The following CLEC7A variants were observed in gnomAD, a reference collection of about 807,000 sequenced individuals.
CLEC7A encodes the protein C-type lectin domain containing 7A, also known as C-type lectin domain family 7 member A.
Under a neutral mutation model 26.9 loss-of-function variants are expected in CLEC7A, and 25 were observed. That is an observed-to-expected ratio of 0.93 (90% CI 0.68 to 1.30). CLEC7A has a LOEUF of 1.30. Ranked by LOEUF, CLEC7A falls within the 50% of genes most tolerant of loss-of-function variation. CLEC7A has a pLI of 0.00. For missense variants in CLEC7A, 275 were observed against 286.7 expected (o/e 0.96, Z 0.29); for synonymous variants, 100 against 99.5 (o/e 1.01, Z -0.03).
intron 4 of CLEC7A, among the ~76,000 whole-genome samples, chr12:10,124,493 C>T (rs1370036729): frequency 6.6e-6 from 1 of 152,114 alleles, no homozygotes; most frequent in Non-Finnish European, 1.5e-5. Flanking sequence ...GAATTTATTG[C>T]TAATGCCAGA....
chr12:10,125,365 C>T lies in CLEC7A; in HGVS notation c.424G>A (p.Asp142Asn), dbSNP rs1565406654. The change falls in exon 4 of 6, where the codon GAT (aspartate) becomes AAT (asparagine). Residue 142 changes from aspartate (D) to asparagine (N), a missense_variant. Asp to Asn is a conservative substitution (Grantham distance 23). Transcript: ENST00000304084. ...YLFSMSLNSW[D>N]GSKRQCWQLG... ...TGCCAGCATTGTCTTTTACTTCCAT[C>T]CCAGGAATTTAGTGACATGCTGAAT... The T allele has an allele frequency of 3.1e-6, 5 of 1,613,528 alleles. No individual in the cohort carries two copies. The Middle Eastern group carries it at 4.9e-4, about 160-fold the overall frequency.
In CLEC7A at chr12:10,130,178, C is replaced by T; in HGVS notation, c.-96G>A. On this transcript the variant is annotated 5_prime_UTR_variant, in exon 1 of 6. The change abolishes the stop of an existing upstream ORF in the 5' untranslated region. Transcript: ENST00000304084. The stretch of plus-strand genomic sequence containing the variant: ...TGTGGACAAAAGAGAATCTCTGAGT[C>T]AAATCATGTGGGCTAGGTACTTACC... 1 of 637,260 alleles carries T rather than the reference C, an allele frequency of 1.6e-6. No homozygotes were observed. Among genetic ancestry groups the T allele is most frequent in the South Asian group, 1.8e-5 (1 of 55,258 alleles). 39.5% of individuals were successfully genotyped at this position (637,260 alleles called of 1,614,324 possible). A position where few individuals can be genotyped will look rare whatever the true frequency, so the allele number is the denominator to read the frequency against.
Position 10,126,523 on chromosome 12 carries a change from G to C in CLEC7A, c.340+48C>G, listed in dbSNP as rs759459205. 1.9e-6 allele frequency: 3 copies of C among 1,557,276 alleles called. No homozygotes were observed. The Admixed American group carries it at 6.0e-5, about 31-fold the overall frequency. ...CCCCTGCCCCAGGCTTCAGCACCAA[G>C]AATTAACCCTCTTGAGTCAAGATTC... On this transcript the variant is annotated intron_variant, in intron 3 of 5. Coordinates refer to ENST00000304084, the MANE Select transcript of CLEC7A (RefSeq NM_197947.3).
intron 4 of CLEC7A, among the ~76,000 whole-genome samples, chr12:10,123,738 G>A (rs1485667256): frequency 5.5e-5 from 7 of 127,910 alleles, no homozygotes; most frequent in African/African-American, 1.9e-4. Context: ...TCCGCAGTCC[G>A]GCCTGGGCGA....
In CLEC7A at chr12:10,126,926, AAG is replaced by A. The variant is rs1555082527; in HGVS notation, c.203-220_203-219del. ...AAAGGAGGTATAGTAAAAAAAAAAA[AAG>A]AAAAGAAAAAAGAAGGTGGAGAAGA... is the stretch of plus-strand genomic sequence containing the variant. On this transcript the variant is annotated intron_variant, in intron 2 of 5. Coordinates refer to ENST00000304084, the MANE Select transcript of CLEC7A (RefSeq NM_197947.3). 7,997 of 811,654 alleles carry A rather than the reference AAG, an allele frequency of 9.9e-3. 30 individuals are homozygous for A. Among genetic ancestry groups the A allele is most frequent in the African/African-American group, 0.016 (749 of 47,140 alleles). 50.3% of individuals were successfully genotyped at this position (811,654 alleles called of 1,614,324 possible).
chr12:10,126,864 T>C (rs112963132), intron 2 of CLEC7A, 156 bp from the exon 3 acceptor site: 9 of 667,328 alleles, frequency 1.3e-5, no homozygotes, highest in African/African-American at 1.1e-4. Flanking sequence ...ATAAAGACGA[T>C]TGATAGAATA....
intron 2 of CLEC7A, chr12:10,127,341 A>G: frequency 3.9e-6 from 6 of 1,555,670 alleles, no homozygotes; most frequent in Admixed American, 1.9e-5. Flanking sequence ...CATTTAGTGA[A>G]TTTATTTCAT....
rs1411854687 is a variant in CLEC7A at position 10,129,968 on chromosome 12, A to AG, written c.103+11_103+12insC. The AG allele has an allele frequency of 6.7e-7, 1 of 1,499,464 alleles. No individual in the cohort carries two copies. Among genetic ancestry groups the AG allele is most frequent in the Non-Finnish European group, 9.3e-7 (1 of 1,076,798 alleles). The allele number at this position is 1,499,464 out of a possible 1,614,324, so 92.9% of individuals were successfully genotyped here. A position where few individuals can be genotyped will look rare whatever the true frequency, so the allele number is the denominator to read the frequency against. The stretch of plus-strand genomic sequence containing the variant: ...GAGCTAAAGGCACACATTAGAAAAA[A>AG]CATATATATACCTTTCTCTGAAACA... On this transcript the variant is annotated intron_variant, in intron 1 of 5. Transcript: ENST00000304084.
At chr12:10,129,128 G>A (rs1408647295) in intron 1 of CLEC7A, among the ~76,000 whole-genome samples, 1 of 152,074 alleles carries the variant, frequency 6.6e-6, no homozygotes, top group African/African-American at 2.4e-5. Flanking sequence ...CTTTGTTTAA[G>A]ACTCATGTCC....
At chr12:10,122,524 A>G (rs1232495221) in intron 5 of CLEC7A, among the ~76,000 whole-genome samples, 2 of 125,202 alleles carry the variant, frequency 1.6e-5, no homozygotes, top group African/African-American at 3.3e-5. Context: ...GTCTCACTGG[A>G]GTCTCACTCT....
rs115399026 is a variant in CLEC7A, at chr12:10,123,479, A to G, written c.493-116T>C. 2,080 of 740,356 alleles carry G rather than the reference A, an allele frequency of 2.8e-3. 40 individuals are homozygous for G. The African/African-American group carries it at 0.033, about 12-fold the overall frequency. 45.9% of individuals were successfully genotyped at this position (740,356 alleles called of 1,614,324 possible). ...TTGAATCACTTTGGTAAAGAATGCA[A>G]GGCCGGGCGCGGTGGCTCACGCCTG... On this transcript the variant is annotated intron_variant, in intron 4 of 5. Coordinates refer to ENST00000304084, the MANE Select transcript of CLEC7A (RefSeq NM_197947.3).
rs1194049932 is a variant in CLEC7A at position 10,117,635 on chromosome 12, A to C, written c.*823T>G. 1 of 152,048 alleles carries C rather than the reference A, an allele frequency of 6.6e-6. No individual in the cohort carries two copies. Among genetic ancestry groups the C allele is most frequent in the African/African-American group, 2.4e-5 (1 of 41,400 alleles). 9.4% of individuals were successfully genotyped at this position (152,048 alleles called of 1,614,324 possible). A position where few individuals can be genotyped will look rare whatever the true frequency, so the allele number is the denominator to read the frequency against. On this transcript the variant is annotated 3_prime_UTR_variant, in exon 6 of 6. Transcript: ENST00000304084. ...GTAGGAGTTCCTGCTTTTTACTAAG[A>C]TGATAATCATAATTATGATCATACT... is the stretch of plus-strand genomic sequence containing the variant.
Position 10,117,137 on chromosome 12 carries a change from T to C in CLEC7A, c.*1321A>G, listed in dbSNP as rs1947936310. The C allele has an allele frequency of 6.6e-6, 1 of 152,242 alleles. No individual in the cohort carries two copies. Among genetic ancestry groups the C allele is most frequent in the Non-Finnish European group, 1.5e-5 (1 of 68,038 alleles). 9.4% of individuals were successfully genotyped at this position (152,242 alleles called of 1,614,324 possible). A position where few individuals can be genotyped will look rare whatever the true frequency, so the allele number is the denominator to read the frequency against. ...TTGTTCCAATGAGGTTGGTTACTTT[T>C]TTATATTCATCATCAGATTTTATGT... On this transcript the variant is annotated 3_prime_UTR_variant, in exon 6 of 6. Coordinates refer to ENST00000304084, the MANE Select transcript of CLEC7A (RefSeq NM_197947.3).
chr12:10,128,247 CCACCAA>C (rs1565410100), intron 1 of CLEC7A, among the ~76,000 whole-genome samples: 3 of 136,822 alleles, frequency 2.2e-5, no homozygotes, highest in East Asian at 4.2e-4. Flanking sequence ...CACACACACA[CCACCAA>C]CAACAACAAC....
At chr12:10,122,498 T>TTC (rs1269619901) in intron 5 of CLEC7A, among the ~76,000 whole-genome samples, 1 of 148,402 alleles carries the variant, frequency 6.7e-6, no homozygotes, top group African/African-American at 2.5e-5. Context: ...TTTTTTTTTT[T>TTC]TTTTTTTGAG....
At chr12:10,127,702 G>T in intron 2 of CLEC7A, 45 bp downstream of exon 2, 1 of 1,288,196 alleles carries the variant, frequency 7.8e-7, no homozygotes, top group Non-Finnish European at 1.1e-6. Context: ...CATAATAATT[G>T]CTTACTAAAT....
At chr12:10,123,842 A>G (rs1218612318) in intron 4 of CLEC7A, among the ~76,000 whole-genome samples, 1 of 151,944 alleles carries the variant, frequency 6.6e-6, no homozygotes, top group Non-Finnish European at 1.5e-5. Context: ...ATGTCATTGA[A>G]TGTCTCAAAA....
chr12:10,117,047 A>C lies in CLEC7A; in HGVS notation c.*1411T>G, dbSNP rs1438556210. ...ACCATTTTACAGTAATTACTGAAAA[A>C]AATGGTAAAAATTGTAAAACAGTAC... On this transcript the variant is annotated 3_prime_UTR_variant, in exon 6 of 6. Transcript: ENST00000304084. 6.6e-6 allele frequency: 1 copy of C among 152,240 alleles called. No individual in the cohort carries two copies. Among genetic ancestry groups the C allele is most frequent in the Non-Finnish European group, 1.5e-5 (1 of 68,042 alleles). The allele number at this position is 152,240 out of a possible 1,614,324, so 9.4% of individuals were successfully genotyped here.
chr12:10,127,385 C>T, intron 2 of CLEC7A: 2 of 1,611,838 alleles, frequency 1.2e-6, no homozygotes, highest in Non-Finnish European at 1.7e-6. Flanking sequence ...CTTTCTTCTT[C>T]AGCTCCGCTT....
Sources: gnomAD v4.1 joint callset for allele counts (sites outside exome capture counted in the v4.1 genomes callset) on GRCh38, gnomAD v4.1.1 for gene constraint, MANE v1.5 for transcripts, NCBI Gene and HGNC (gene_info 2026-07-23, HGNC 2026-07-21) for gene names.